The following ZBTB3 variants were observed in gnomAD, a reference collection of about 807,000 sequenced individuals.
ZBTB3 encodes zinc finger and BTB domain-containing protein 3.
ZBTB3 carries 15 observed loss-of-function variants against 30.6 expected under a neutral mutation model. The observed-to-expected ratio is 0.49, with a 90% CI of 0.33 to 0.75. The LOEUF is 0.75. Ranked by LOEUF, ZBTB3 falls within the 30% of genes least tolerant of loss-of-function variation. The pLI, the probability that ZBTB3 is intolerant of heterozygous loss-of-function variation, is 0.02. For missense variants in ZBTB3, 599 were observed against 652.1 expected (o/e 0.92, Z 0.89); for synonymous variants, 258 against 261.7 (o/e 0.99, Z 0.14).
rs1565178392 is a variant in ZBTB3, at chr11:62,752,318, G to A, written c.1347C>T (p.Pro449=). 1.2e-6 allele frequency: 2 copies of A among 1,614,170 alleles called. No individual in the cohort carries two copies. The highest frequency in any genetic ancestry group is 2.2e-5 in the South Asian group (2 of 91,090). ...RHATVHTRER[P]YECRYCLRSY... ...TCCGCAGGCAGTAGCGGCACTCATAGGGTCGCTCACGTGTGTGCACCGTGG... is the reference window on the plus strand; with the variant it reads ...TCCGCAGGCAGTAGCGGCACTCATAAGGTCGCTCACGTGTGTGCACCGTGG... Residue 449 remains proline (P), a synonymous_variant, in exon 2 of 2, where the codon CCC becomes CCT. Transcript: ENST00000394807.
At position 62,751,869 on chromosome 11, in the gene ZBTB3, A is replaced by T; in HGVS notation, c.*221T>A. On this transcript the variant is annotated 3_prime_UTR_variant, in exon 2 of 2. Transcript: ENST00000394807. The stretch of plus-strand genomic sequence containing the variant: ...AGAATGGCGTGAATCGGGGAGGCTG[A>T]GCTTGCAGTGAGCCGAGATCGCGCC... 2.6e-6 allele frequency: 1 copy of T among 387,302 alleles called. No homozygotes were observed. Among genetic ancestry groups the T allele is most frequent in the Non-Finnish European group, 4.6e-6 (1 of 218,872 alleles). The allele number at this position is 387,302 out of a possible 1,614,324, so 24.0% of individuals were successfully genotyped here.
At position 62,753,704 on chromosome 11, in the gene ZBTB3, A is replaced by G; in HGVS notation, c.-40T>C. On this transcript the variant is annotated 5_prime_UTR_variant, in exon 2 of 2. Transcript: ENST00000394807. ...GAAAGGGGGCCCAAAAAAGGTCCCC[A>G]CCAGTGGCTCCCTGAGAAAAAAGGG... 6.3e-7 allele frequency: 1 copy of G among 1,597,102 alleles called. No individual in the cohort carries two copies. The highest frequency in any genetic ancestry group is 8.5e-7 in the Non-Finnish European group (1 of 1,172,440).
In ZBTB3 at chr11:62,751,518, T is replaced by C. The variant is rs2084010959; in HGVS notation, c.*572A>G. 7.6e-6 allele frequency: 1 copy of C among 131,838 alleles called. No homozygotes were observed. The highest frequency in any genetic ancestry group is 1.6e-5 in the Non-Finnish European group (1 of 63,692). 8.2% of individuals were successfully genotyped at this position (131,838 alleles called of 1,614,324 possible). The stretch of plus-strand genomic sequence containing the variant: ...TCCAGCCTGGGGGACAGAGTGAGAC[T>C]CTGTCTCAAAAAAAAAAAAAAAAAA... On this transcript the variant is annotated 3_prime_UTR_variant, in exon 2 of 2. Coordinates refer to ENST00000394807, the MANE Select transcript of ZBTB3 (RefSeq NM_001370809.1).
chr11:62,754,076 T>G lies in ZBTB3; in HGVS notation c.-164A>C, dbSNP rs1284568092. 1 of 1,613,446 alleles carries G rather than the reference T, an allele frequency of 6.2e-7. No individual in the cohort carries two copies. Among genetic ancestry groups the G allele is most frequent in the South Asian group, 1.1e-5 (1 of 91,064 alleles). ...CTCCCTAAGCATCTCCCTCACGCAT[T>G]CCAGGGGCTAAGGACTACCAGGGTG... On this transcript the variant is annotated 5_prime_UTR_variant, in exon 1 of 2. Coordinates refer to ENST00000394807, the MANE Select transcript of ZBTB3 (RefSeq NM_001370809.1).
At chr11:62,753,928 C>T (rs1467004259) in intron 1 of ZBTB3, 36 bp downstream of exon 1, 2 of 1,611,202 alleles carry the variant, frequency 1.2e-6, no homozygotes, top group Non-Finnish European at 1.7e-6. Context: ...CCGGAAGTCC[C>T]GCCCCTTAGC....
At position 62,751,140 on chromosome 11, in the gene ZBTB3, C is replaced by T. The variant is rs150260483; in HGVS notation, c.*950G>A. ...AGGAGGCTGGGCATGGTGGCTCACG[C>T]CTTTAATCCCAGCACTTTTTAAGGC... On this transcript the variant is annotated 3_prime_UTR_variant, in exon 2 of 2. Coordinates refer to ENST00000394807, the MANE Select transcript of ZBTB3 (RefSeq NM_001370809.1). 666 of 152,604 alleles carry T rather than the reference C, an allele frequency of 4.4e-3. 4 individuals are homozygous for T. The highest frequency in any genetic ancestry group is 7.4e-3 in the Non-Finnish European group (505 of 68,098). The allele number at this position is 152,604 out of a possible 1,614,324, so 9.5% of individuals were successfully genotyped here.
In ZBTB3 at chr11:62,751,946, A is replaced by T; in HGVS notation, c.*144T>A. On this transcript the variant is annotated 3_prime_UTR_variant, in exon 2 of 2. Transcript: ENST00000394807. The stretch of plus-strand genomic sequence containing the variant: ...TGAGACTCTGTCTCAAAAAAATAAA[A>T]GATTAAAAAAAAAAAAGGGTAGGAA... The T allele has an allele frequency of 1.3e-6, 1 of 791,670 alleles. No homozygotes were observed. The highest frequency in any genetic ancestry group is 1.9e-6 in the Non-Finnish European group (1 of 529,536). 49.0% of individuals were successfully genotyped at this position (791,670 alleles called of 1,614,324 possible).
chr11:62,752,512 C>T lies in ZBTB3; in HGVS notation c.1153G>A (p.Gly385Arg). 1 of 1,614,138 alleles carries T rather than the reference C, an allele frequency of 6.2e-7. No individual in the cohort carries two copies. Among genetic ancestry groups the T allele is most frequent in the Non-Finnish European group, 8.5e-7 (1 of 1,180,032 alleles). ...LLPGAGQYHR[G>R]LVTSPLPAPA... The stretch of plus-strand genomic sequence containing the variant: ...GCAGGCAGAGGTGAGGTCACCAGTC[C>T]TCGATGATACTGCCCTGCACCTGGC... The change falls in exon 2 of 2, where the codon GGA becomes AGA. Residue 385 changes from glycine (G) to arginine (R), a missense_variant. Transcript: ENST00000394807.
Position 62,752,279 on chromosome 11 carries a change from T to G in ZBTB3, c.1386A>C (p.Ser462=). Residue 462 remains serine (S), a synonymous_variant, in exon 2 of 2, where the codon TCA becomes TCC. Transcript: ENST00000394807. ...CRYCLRSYTQ[S]GDLYRHIRKA... is the part of the protein sequence containing the mutation. ...TGCGGATGTGGCGGTAGAGGTCCCC[T>G]GACTGCGTGTAGCTCCGCAGGCAGT... is the stretch of plus-strand genomic sequence containing the variant. The G allele has an allele frequency of 6.2e-7, 1 of 1,614,150 alleles. No individual in the cohort carries two copies.
rs1433937806 is a variant in ZBTB3 at position 62,751,916 on chromosome 11, CAG to C, written c.*172_*173del. ...CGCCACTGCACTCCAGTCTGGGTGA[CAG>C]AGTGAGACTCTGTCTCAAAAAAATA... On this transcript the variant is annotated 3_prime_UTR_variant, in exon 2 of 2. Transcript: ENST00000394807. The C allele has an allele frequency of 3.4e-6, 2 of 590,980 alleles. No individual in the cohort carries two copies. Among genetic ancestry groups the C allele is most frequent in the East Asian group, 3.1e-5 (1 of 32,324 alleles). The allele number at this position is 590,980 out of a possible 1,614,324, so 36.6% of individuals were successfully genotyped here.
At position 62,753,521 on chromosome 11, in the gene ZBTB3, G is replaced by A. The variant is rs1477055228; in HGVS notation, c.144C>T (p.Phe48=). The change falls in exon 2 of 2, where the codon TTC becomes TTT. Residue 48 remains phenylalanine, a synonymous_variant. Transcript: ENST00000394807. The stretch of plus-strand genomic sequence containing the variant: ...CCCGCTCCTTGTAGAAAAGCTGGAA[G>A]AATGGGCTGCAGGAGGCCAGCACAG... ...HRAVLASCSP[F]FQLFYKEREL... The A allele has an allele frequency of 1.2e-6, 2 of 1,614,212 alleles. No homozygotes were observed. Among genetic ancestry groups the A allele is most frequent in the Admixed American group, 1.7e-5 (1 of 60,028 alleles).
rs774565736 is a variant in ZBTB3 at position 62,752,480 on chromosome 11, T to C, written c.1185A>G (p.Ala395=). Residue 395 remains alanine, a synonymous_variant, in exon 2 of 2, where the codon GCA becomes GCG. Coordinates refer to ENST00000394807, the MANE Select transcript of ZBTB3 (RefSeq NM_001370809.1). The part of the protein sequence containing the change: ...GLVTSPLPAP[A]SLHEPLYLSS... ...ACAGGTAAAGTGGCTCATGCAGGGA[T>C]GCGGGTGCAGGCAGAGGTGAGGTCA... 1 of 1,614,134 alleles carries C rather than the reference T, an allele frequency of 6.2e-7. No homozygotes were observed. Among genetic ancestry groups the C allele is most frequent in the African/African-American group, 1.3e-5 (1 of 75,028 alleles).
rs767035884 is a variant in ZBTB3 at position 62,754,008 on chromosome 11, C to T, written c.-96G>A. On this transcript the variant is annotated 5_prime_UTR_variant, in exon 1 of 2. Transcript: ENST00000394807. ...CCACGAAGTAGAGATCTTTTTCGCT[C>T]CCAGGCCTTGCCAGGCGATGCCTCT... The T allele has an allele frequency of 9.3e-6, 15 of 1,613,956 alleles. No individual in the cohort carries two copies. Among genetic ancestry groups the T allele is most frequent in the Non-Finnish European group, 2.5e-6 (3 of 1,180,038 alleles).
At position 62,752,855 on chromosome 11, in the gene ZBTB3, G is replaced by A; in HGVS notation, c.810C>T (p.Gly270=). The A allele has an allele frequency of 1.9e-6, 3 of 1,614,110 alleles. No homozygotes were observed. The highest frequency in any genetic ancestry group is 1.1e-5 in the South Asian group (1 of 91,078). ...EPKDPGGPLQ[G]FYPPASAPTS... ...TTGGGGCTGAGGCTGGGGGATAGAAGCCTTGCAGTGGTCCTCCAGGATCCT... is the reference window on the plus strand; with the variant it reads ...TTGGGGCTGAGGCTGGGGGATAGAAACCTTGCAGTGGTCCTCCAGGATCCT... The change falls in exon 2 of 2, where the codon GGC becomes GGT. Residue 270 remains glycine, a synonymous_variant. Transcript: ENST00000394807.
rs1339781871 is a variant in ZBTB3, at chr11:62,753,335, G to T, written c.330C>A (p.Asp110Glu). Residue 110 changes from aspartate (D) to glutamate (E), a missense_variant, in exon 2 of 2, where the codon GAC (aspartate) becomes GAA (glutamate). Physicochemically the swap from Asp to Glu is conservative, Grantham distance 45. Coordinates refer to ENST00000394807, the MANE Select transcript of ZBTB3 (RefSeq NM_001370809.1). ...LAAASYLHMN[D>E]IVKVCKRRLQ... Reference sequence around the variant, plus strand: ...GCCGCCGCTTACACACCTTGACGATGTCATTCATGTGCAAGTAGCTGGCAG... The same window carrying T: ...GCCGCCGCTTACACACCTTGACGATTTCATTCATGTGCAAGTAGCTGGCAG... 1 of 1,614,076 alleles carries T rather than the reference G, an allele frequency of 6.2e-7. No individual in the cohort carries two copies. Among genetic ancestry groups the T allele is most frequent in the East Asian group, 2.2e-5 (1 of 44,884 alleles).
chr11:62,753,475 C>T lies in ZBTB3; in HGVS notation c.190G>A (p.Val64Met). Reference protein sequence around the residue: ...KERELDKRDLVCIHNEIVTAP... With the variant: ...KERELDKRDLMCIHNEIVTAP... Reference sequence around the variant, plus strand: ...GTGACAATTTCATTGTGAATACACACCAGATCCCTCTTGTCCAATTCCCGC... The same window carrying T: ...GTGACAATTTCATTGTGAATACACATCAGATCCCTCTTGTCCAATTCCCGC... The change falls in exon 2 of 2, where the codon GTG becomes ATG. Residue 64 changes from valine (V) to methionine (M), a missense_variant. By Grantham distance (21) the Val-to-Met change is conservative. Coordinates refer to ENST00000394807, the MANE Select transcript of ZBTB3 (RefSeq NM_001370809.1). 2 of 1,614,198 alleles carry T rather than the reference C, an allele frequency of 1.2e-6. No individual in the cohort carries two copies. The highest frequency in any genetic ancestry group is 1.7e-6 in the Non-Finnish European group (2 of 1,180,046).
rs2084041220 is a variant in ZBTB3 at position 62,753,958 on chromosome 11, GCC to G, written c.-52+4_-52+5del. On this transcript the variant is annotated splice_donor_5th_base_variant and intron_variant, in intron 1 of 1. Coordinates refer to ENST00000394807, the MANE Select transcript of ZBTB3 (RefSeq NM_001370809.1). ...CTTAGCCACCCTCCGCTTCCTTGAT[GCC>G]CACCCGGTAGCGTCCAACGGCTCCA... 2 of 1,608,210 alleles carry G rather than the reference GCC, an allele frequency of 1.2e-6. No individual in the cohort carries two copies. Among genetic ancestry groups the G allele is most frequent in the Non-Finnish European group, 1.7e-6 (2 of 1,177,474 alleles).
Position 62,754,087 on chromosome 11 carries a change from A to G in ZBTB3, c.-175T>C. ...TCTCCCTCACGCATTCCAGGGGCTA[A>G]GGACTACCAGGGTGGGAACTAGCGG... On this transcript the variant is annotated 5_prime_UTR_variant, in exon 1 of 2. Coordinates refer to ENST00000394807, the MANE Select transcript of ZBTB3 (RefSeq NM_001370809.1). The G allele has an allele frequency of 1.9e-6, 3 of 1,610,462 alleles. No homozygotes were observed. The highest frequency in any genetic ancestry group is 2.5e-6 in the Non-Finnish European group (3 of 1,176,754).
Position 62,753,042 on chromosome 11 carries a change from C to G in ZBTB3, c.623G>C (p.Arg208Pro). The change falls in exon 2 of 2, where the codon CGG (arginine) becomes CCG (proline). Residue 208 changes from arginine (R) to proline (P), a missense_variant. Arg to Pro is a moderately radical substitution (Grantham distance 103). Transcript: ENST00000394807. ...PGMEVDAPHL[R>P]APHPPVADVS... ...ATCAGCCACTGGTGGATGAGGTGCCCGCAGATGTGGTGCGTCAACCTCCAT... is the reference window on the plus strand; with the variant it reads ...ATCAGCCACTGGTGGATGAGGTGCCGGCAGATGTGGTGCGTCAACCTCCAT... 1 of 1,614,076 alleles carries G rather than the reference C, an allele frequency of 6.2e-7. No homozygotes were observed. The highest frequency in any genetic ancestry group is 8.5e-7 in the Non-Finnish European group (1 of 1,180,000).
Sources: gnomAD v4.1 joint callset for allele counts on GRCh38, gnomAD v4.1.1 for gene constraint, MANE v1.5 for transcripts, NCBI Gene and HGNC (gene_info 2026-07-23, HGNC 2026-07-21) for gene names.